The following OSMR variants were observed in gnomAD, a reference collection of about 807,000 sequenced individuals.
The protein encoded by OSMR is oncostatin M receptor.
A neutral mutation model predicts 99.9 loss-of-function variants in OSMR; 81 were observed. The observed-to-expected ratio is 0.81, with a 90% CI of 0.68 to 0.97. The LOEUF is 0.97. Ranked by LOEUF, OSMR falls within the 50% of genes least tolerant of loss-of-function variation. The pLI is 0.00. For synonymous variants in OSMR, 406 were observed against 410.4 expected (o/e 0.99, Z 0.13); for missense variants, 1,099 against 1,153.4 (o/e 0.95, Z 0.68).
intron 3 of OSMR, 103 bp from the exon 4 acceptor site, chr5:38,881,490 C>T: frequency 6.2e-7 from 1 of 1,606,238 alleles, no homozygotes. Flanking sequence ...ATATCGTGGA[C>T]CTGCAATGGG....
intron 9 of OSMR, among the ~76,000 whole-genome samples, chr5:38,904,967 C>T (rs1251271161): frequency 6.6e-6 from 1 of 152,186 alleles, no homozygotes; most frequent in Non-Finnish European, 1.5e-5. Flanking sequence ...GTGCCCTCTC[C>T]AGCATGCTCT....
intron 7 of OSMR, among the ~76,000 whole-genome samples, chr5:38,892,859 C>T (rs1230161077): frequency 6.6e-6 from 1 of 152,046 alleles, no homozygotes; most frequent in East Asian, 1.9e-4. Context: ...GCTGGTGACG[C>T]CACCTTACCC....
intron 9 of OSMR, among the ~76,000 whole-genome samples, chr5:38,912,186 TA>T (rs1745632010): frequency 6.6e-6 from 1 of 152,118 alleles, no homozygotes; most frequent in Admixed American, 6.6e-5. Context: ...AGTCTCTGCA[TA>T]AAAGCTCCTA....
At chr5:38,884,619 T>A (rs560808926) in intron 5 of OSMR, among the ~76,000 whole-genome samples, 1 of 152,310 alleles carries the variant, frequency 6.6e-6, no homozygotes, top group African/African-American at 2.4e-5. Flanking sequence ...TGAATGTGGG[T>A]AGTGCCTAGC....
chr5:38,875,151 C>T (rs1351070391), intron 2 of OSMR, among the ~76,000 whole-genome samples: 4 of 152,246 alleles, frequency 2.6e-5, no homozygotes, highest in African/African-American at 9.6e-5. Context: ...CGCCATGAGT[C>T]ATCAGATAGC....
chr5:38,908,672 C>T (rs1286001039), intron 9 of OSMR, among the ~76,000 whole-genome samples: 1 of 152,160 alleles, frequency 6.6e-6, no homozygotes, highest in Non-Finnish European at 1.5e-5. Context: ...CCCTTAAAAT[C>T]TTCCAGATGG....
intron 1 of OSMR, among the ~76,000 whole-genome samples, chr5:38,850,065 G>A (rs1740233999): frequency 6.6e-6 from 1 of 152,078 alleles, no homozygotes; most frequent in Non-Finnish European, 1.5e-5. Context: ...AGTATCCTAA[G>A]AGACAAAAAT....
At chr5:38,856,697 A>G (rs558028100) in intron 1 of OSMR, among the ~76,000 whole-genome samples, 1 of 152,306 alleles carries the variant, frequency 6.6e-6, no homozygotes, top group South Asian at 2.1e-4. Context: ...GCTGGAATGT[A>G]GTGGTGTGAT....
chr5:38,902,222 C>T (rs546096206), intron 7 of OSMR, among the ~76,000 whole-genome samples: 97 of 152,340 alleles, frequency 6.4e-4, no homozygotes, highest in Middle Eastern at 3.4e-3. Flanking sequence ...ACTTGGGGAG[C>T]TTAGGTGGCA....
At chr5:38,875,010 C>G (rs1210567201) in intron 2 of OSMR, among the ~76,000 whole-genome samples, 2 of 152,204 alleles carry the variant, frequency 1.3e-5, no homozygotes, top group African/African-American at 4.8e-5. Context: ...GTATTGGAGA[C>G]TGTTTCCATT....
rs561297644 is a variant in OSMR at position 38,883,719 on chromosome 5, A to G, written c.419-108A>G. On this transcript the variant is annotated intron_variant, in intron 4 of 17. Coordinates refer to ENST00000274276, the MANE Select transcript of OSMR (RefSeq NM_003999.3). ...AGAAATTTAGGTTGCTATTTTCTCCAGGAGGTAGAAAAAGCTAAAGTTATC... is the reference window on the plus strand; with the variant it reads ...AGAAATTTAGGTTGCTATTTTCTCCGGGAGGTAGAAAAAGCTAAAGTTATC... 6 of 1,586,764 alleles carry G rather than the reference A, an allele frequency of 3.8e-6. No homozygotes were observed. In the African/African-American group the frequency reaches 8.1e-5, roughly 21 times the overall value.
intron 1 of OSMR, among the ~76,000 whole-genome samples, chr5:38,868,445 C>G (rs993337665): frequency 1.3e-5 from 2 of 152,038 alleles, no homozygotes; most frequent in Admixed American, 1.3e-4. Context: ...TGGGAGGGAC[C>G]CAGGGGGAGG....
intron 5 of OSMR, 136 bp from the exon 6 acceptor site, chr5:38,885,213 T>C: frequency 1.3e-6 from 2 of 1,515,116 alleles, no homozygotes; most frequent in Non-Finnish European, 1.8e-6. Context: ...AGGCTGTTGA[T>C]AGGTAGCCTT....
At chr5:38,908,972 C>G (rs1295666979) in intron 9 of OSMR, among the ~76,000 whole-genome samples, 2 of 152,106 alleles carry the variant, frequency 1.3e-5, no homozygotes, top group Non-Finnish European at 2.9e-5. Flanking sequence ...AAACAAAGAT[C>G]ATCAACATCC....
At chr5:38,862,761 T>G (rs1741563065) in intron 1 of OSMR, among the ~76,000 whole-genome samples, 1 of 149,316 alleles carries the variant, frequency 6.7e-6, no homozygotes, top group Admixed American at 6.6e-5. Context: ...CCAGACGGGG[T>G]GGCGGCCGGG....
chr5:38,852,718 A>ATTTTTTTTTTTTTTTTTTTTTTTTTT (rs61559728), intron 1 of OSMR, among the ~76,000 whole-genome samples: 1 of 70,660 alleles, frequency 1.4e-5, no homozygotes, highest in African/African-American at 5.4e-5. Context: ...TATTGTTTTC[A>ATTTTTTTTTTTTTTTTTTTTTTTTTT]TTTTTTTTTT....
chr5:38,917,734 G>A lies in OSMR; in HGVS notation c.1362+112G>A, dbSNP rs984123076. 2.2e-4 allele frequency: 172 copies of A among 795,644 alleles called. 2 individuals are homozygous for A. In the South Asian group the frequency reaches 2.3e-3, roughly 11 times the overall value. 49.3% of individuals were successfully genotyped at this position (795,644 alleles called of 1,614,324 possible). ...TTGGTTCAGTGTCCCAACTGGGAGG[G>A]ATCTTCACATTCATCCAATAGAATT... On this transcript the variant is annotated intron_variant, in intron 10 of 17. Transcript: ENST00000274276.
intron 7 of OSMR, among the ~76,000 whole-genome samples, chr5:38,894,980 C>CA (rs35347417): frequency 0.23 from 33,386 of 143,874 alleles, 3,722 homozygotes; most frequent in Admixed American, 0.27. Flanking sequence ...TCAATAAAAG[C>CA]AAAAAAAAAA....
At chr5:38,859,310 A>G (rs1741094535) in intron 1 of OSMR, among the ~76,000 whole-genome samples, 1 of 152,120 alleles carries the variant, frequency 6.6e-6, no homozygotes, top group Admixed American at 6.5e-5. Context: ...GTTTCATTCT[A>G]CTGCATTGGT....
Sources: allele counts gnomAD v4.1 joint callset (sites outside exome capture counted in the v4.1 genomes callset), GRCh38; gene constraint gnomAD v4.1.1; transcripts MANE v1.5; gene names NCBI Gene and HGNC (gene_info 2026-07-23, HGNC 2026-07-21).